KIAA1217: variants seen among roughly 807,000 people sequenced by gnomAD.
The protein encoded by KIAA1217 is sickle tail protein homolog.
KIAA1217 carries 88 observed loss-of-function variants against 163.9 expected under a neutral mutation model. The ratio of observed to expected loss-of-function variants is 0.54; its 90% CI spans 0.45 to 0.64. The LOEUF (loss-of-function observed/expected upper bound fraction) is 0.64, where lower values mean the gene tolerates loss of function less well. Among genes scored for constraint, KIAA1217 ranks in the 30% least tolerant of loss-of-function variants. KIAA1217 has a pLI of 0.00. For missense variants in KIAA1217, 2,372 were observed against 2,475.0 expected, an observed-to-expected ratio of 0.96 and a Z score of 0.88; for synonymous variants, 903 against 923.1, an observed-to-expected ratio of 0.98 and a Z score of 0.39.
intron 2 of KIAA1217, among the ~76,000 whole-genome samples, chr10:24,240,277 C>T (rs1191496031): frequency 6.6e-6 from 1 of 152,164 alleles, no homozygotes; most frequent in Non-Finnish European, 1.5e-5. Context: ...TTGTTTCTTC[C>T]ACACAGTGCA....
intron 1 of KIAA1217, among the ~76,000 whole-genome samples, chr10:23,959,911 CTTTTTTTTT>C (rs1326171008): frequency 9.4e-6 from 1 of 106,266 alleles, no homozygotes; most frequent in African/African-American, 3.7e-5. Flanking sequence ...TCATAGACTT[CTTTTTTTTT>C]TTTTTTTTTT....
chr10:24,154,301 G>A (rs367884657), intron 2 of KIAA1217, among the ~76,000 whole-genome samples: 1 of 151,950 alleles, frequency 6.6e-6, no homozygotes, highest in East Asian at 1.9e-4. Context: ...GGTGACACAC[G>A]CCTGTGTCCC....
rs1038340159 is a variant in KIAA1217, at chr10:24,005,046, T to G, written c.-320-2179T>G. On this transcript the variant is annotated intron_variant, in intron 1 of 18. Transcript: ENST00000376462. ...AACTTATTCACATAGAATTGTGAACTATTACACGCACAGAAAAAGAGTAGC... is the reference window on the plus strand; with the variant it reads ...AACTTATTCACATAGAATTGTGAACGATTACACGCACAGAAAAAGAGTAGC... Among the ~76,000 whole-genome samples the G allele has an allele frequency of 1.3e-5, 2 of 152,210 alleles. 1 individual carries two copies. The highest frequency in any genetic ancestry group is 1.3e-4 in the Admixed American group (2 of 15,280).
At chr10:23,818,331 T>TATATATATATATAAAAATATATATA (rs1343079104) in intron 1 of KIAA1217, among the ~76,000 whole-genome samples, 5 of 86,814 alleles carry the variant, frequency 5.8e-5, no homozygotes, top group African/African-American at 2.6e-4. Context: ...ATATATATAT[T>TATATATATATATAAAAATATATATA]TTATATATAT....
At chr10:23,718,948 T>G (rs1837720277) in intron 1 of KIAA1217, among the ~76,000 whole-genome samples, 1 of 152,072 alleles carries the variant, frequency 6.6e-6, no homozygotes, top group African/African-American at 2.4e-5. Context: ...ATCATTCAGT[T>G]AGATAAAATG....
chr10:24,124,967 C>T (rs900382550), intron 2 of KIAA1217, among the ~76,000 whole-genome samples: 2 of 152,078 alleles, frequency 1.3e-5, no homozygotes, highest in African/African-American at 4.8e-5. Flanking sequence ...GATTTACCTC[C>T]CCTTAGAAAG....
chr10:24,355,422 C>T (rs941698097), intron 2 of KIAA1217, among the ~76,000 whole-genome samples: 1 of 152,182 alleles, frequency 6.6e-6, no homozygotes, highest in Non-Finnish European at 1.5e-5. Context: ...TGACAACCCT[C>T]TTTCTAGTTG....
chr10:24,273,944 G>A (rs1454554837), intron 2 of KIAA1217, among the ~76,000 whole-genome samples: 1 of 151,896 alleles, frequency 6.6e-6, no homozygotes, highest in African/African-American at 2.4e-5. Flanking sequence ...TAAAAATGTA[G>A]GATCTTAGTC....
chr10:23,997,145 G>A (rs953999851), intron 1 of KIAA1217, among the ~76,000 whole-genome samples: 1 of 152,152 alleles, frequency 6.6e-6, no homozygotes, highest in African/African-American at 2.4e-5. Context: ...TGTTTCTTAA[G>A]GAAGAAGCAG....
intron 2 of KIAA1217, among the ~76,000 whole-genome samples, chr10:24,182,437 A>ACCACACACACACACACAC (rs755699331): frequency 2.4e-4 from 26 of 108,680 alleles, no homozygotes; most frequent in African/African-American, 7.7e-4. Context: ...GCAAGACTCC[A>ACCACACACACACACACAC]TCACACACAC....
chr10:23,809,002 A>G (rs1414442), intron 1 of KIAA1217, among the ~76,000 whole-genome samples: 44,960 of 151,872 alleles, frequency 0.3, 7,657 homozygotes, highest in African/African-American at 0.47. Flanking sequence ...GTAAGACAGT[A>G]AAATATCTTC....
At chr10:24,428,203 C>T (rs538071018) in intron 3 of KIAA1217, among the ~76,000 whole-genome samples, 8 of 152,326 alleles carry the variant, frequency 5.3e-5, no homozygotes, top group South Asian at 2.1e-4. Flanking sequence ...GCAGTGGCCT[C>T]GCCCAGGCAT....
intron 3 of KIAA1217, among the ~76,000 whole-genome samples, chr10:24,408,458 CA>C (rs2057439537): frequency 6.6e-6 from 1 of 152,114 alleles, no homozygotes; most frequent in Non-Finnish European, 1.5e-5. Context: ...CAGGGCAACC[CA>C]AGTAGTTGTT....
rs746695949 is a variant in KIAA1217, at chr10:24,473,722, A to G, written c.1341A>G (p.Glu447=). 63 of 1,613,966 alleles carry G rather than the reference A, an allele frequency of 3.9e-5. No homozygotes were observed. The highest frequency in any genetic ancestry group is 3.0e-4 in the South Asian group (27 of 91,064). ...CAATGCAAGCGGAAATGCATATGGA[A>G]CAATCACTGTACAGACAGAAATCAA... ...NPSMQAEMHM[E]QSLYRQKSRK... The change falls in exon 6 of 21, where the codon GAA becomes GAG. Residue 447 remains glutamate (E), a synonymous_variant. Transcript: ENST00000376454.
intron 1 of KIAA1217, among the ~76,000 whole-genome samples, chr10:23,856,696 A>T (rs866605009): frequency 5.8e-4 from 89 of 152,318 alleles, no homozygotes; most frequent in African/African-American, 2.1e-3. Flanking sequence ...TTGTTTACCT[A>T]AGCAAACCTG....
chr10:24,384,847 G>T (rs4456169), intron 3 of KIAA1217, among the ~76,000 whole-genome samples: 78,528 of 152,122 alleles, frequency 0.52, 22,846 homozygotes, highest in African/African-American at 0.8. Flanking sequence ...CTTTTTAAAA[G>T]TATTGCACAA....
intron 1 of KIAA1217, among the ~76,000 whole-genome samples, chr10:23,734,612 A>G (rs2130795756): frequency 6.6e-6 from 1 of 151,842 alleles, no homozygotes; most frequent in South Asian, 2.1e-4. Context: ...TTTATCATAC[A>G]CTTAATTTCT....
At chr10:24,525,111 T>C (rs1308109987) in intron 13 of KIAA1217, among the ~76,000 whole-genome samples, 3 of 152,086 alleles carry the variant, frequency 2.0e-5, no homozygotes, top group Non-Finnish European at 4.4e-5. Context: ...TGCGTGCAGA[T>C]CTGTGTGTGG....
rs761427048 is a variant in KIAA1217, at chr10:24,513,230, C to A, written c.2002-29C>A. Reference sequence around the variant, plus strand: ...GCCTCCATTTCAGGCAGGCAGAGCCCACTGAGGTTGATTTTTTTGTGTTCA... The same window carrying A: ...GCCTCCATTTCAGGCAGGCAGAGCCAACTGAGGTTGATTTTTTTGTGTTCA... On this transcript the variant is annotated intron_variant, in intron 9 of 20. Coordinates refer to ENST00000376454, the MANE Select transcript of KIAA1217 (RefSeq NM_019590.5). 7 of 1,610,144 alleles carry A rather than the reference C, an allele frequency of 4.3e-6. No individual in the cohort carries two copies. The Admixed American group carries it at 1.0e-4, about 23-fold the overall frequency.
Sources: allele counts gnomAD v4.1 joint callset (sites outside exome capture counted in the v4.1 genomes callset), GRCh38; gene constraint gnomAD v4.1.1; transcripts MANE v1.5; gene names NCBI Gene and HGNC (gene_info 2026-07-23, HGNC 2026-07-21).